Variants in SLAIN2 observed in about 807,000 individuals in gnomAD.
The protein encoded by SLAIN2 is SLAIN family member 2.
SLAIN2 carries 31 observed loss-of-function variants against 56.6 expected under a neutral mutation model. The ratio of observed to expected loss-of-function variants is 0.55; its 90% CI spans 0.41 to 0.74. SLAIN2 has a LOEUF of 0.74. SLAIN2 is among the 30% of genes least tolerant of loss of function. SLAIN2 has a pLI of 0.00. For missense variants in SLAIN2, 777 were observed against 754.2 expected (o/e 1.03, Z -0.35); for synonymous variants, 317 against 284.9 (o/e 1.11, Z -1.13).
At chr4:48,373,864 A>G (rs1296702839) in intron 2 of SLAIN2, among the ~76,000 whole-genome samples, 1 of 152,108 alleles carries the variant, frequency 6.6e-6, no homozygotes, top group Non-Finnish European at 1.5e-5. Context: ...AACATGGAGA[A>G]ACCCTGTCTC....
chr4:48,414,517 G>A (rs1716946837), intron 6 of SLAIN2, among the ~76,000 whole-genome samples: 1 of 147,274 alleles, frequency 6.8e-6, no homozygotes, highest in Admixed American at 6.8e-5. Context: ...ATATGTAAGT[G>A]GTTTTCTTTT....
At position 48,423,285 on chromosome 4, in the gene SLAIN2, AC is replaced by A. The variant is rs1391791308; in HGVS notation, c.*1211del. ...TTTTTGCATTTTTGGTAAAAAAAAA[AC>A]CCTACTACGTATGACTCTAACCTGA... On this transcript the variant is annotated 3_prime_UTR_variant, in exon 8 of 8. Coordinates refer to ENST00000264313, the MANE Select transcript of SLAIN2 (RefSeq NM_020846.2). 3.4e-5 allele frequency: 5 copies of A among 148,666 alleles called. No homozygotes were observed. The highest frequency in any genetic ancestry group is 1.2e-4 in the African/African-American group (5 of 40,426). 9.2% of individuals were successfully genotyped at this position (148,666 alleles called of 1,614,324 possible).
chr4:48,407,164 G>A (rs962776975), intron 6 of SLAIN2, among the ~76,000 whole-genome samples: 4 of 151,834 alleles, frequency 2.6e-5, no homozygotes, highest in African/African-American at 9.7e-5. Context: ...TCTAATATTT[G>A]TTGCCTTCTC....
intron 5 of SLAIN2, among the ~76,000 whole-genome samples, chr4:48,383,207 A>T (rs950795330): frequency 6.6e-6 from 1 of 151,914 alleles, no homozygotes; most frequent in South Asian, 2.1e-4. Flanking sequence ...GATTAAAAAA[A>T]GAGAAAAAGT....
chr4:48,408,904 G>C (rs79099978), intron 6 of SLAIN2, among the ~76,000 whole-genome samples: 3,160 of 152,094 alleles, frequency 0.021, 112 homozygotes, highest in African/African-American at 0.072. Flanking sequence ...ACCATATTTT[G>C]TCTTTTATAA....
chr4:48,410,270 GT>G (rs1434383586), intron 6 of SLAIN2, among the ~76,000 whole-genome samples: 3 of 142,994 alleles, frequency 2.1e-5, no homozygotes, highest in African/African-American at 7.9e-5. Context: ...CTTTGTCTCT[GT>G]TTTTTTAGTT....
intron 6 of SLAIN2, chr4:48,387,217 A>C (rs1716123838): frequency 1.3e-5 from 2 of 152,204 alleles, no homozygotes; most frequent in African/African-American, 4.8e-5. Flanking sequence ...AAAAAACAAA[A>C]GGTTGGGAAC....
Position 48,341,767 on chromosome 4 carries a change from G to A in SLAIN2, c.28G>A (p.Ala10Thr). 3 of 1,530,912 alleles carry A rather than the reference G, an allele frequency of 2.0e-6. No individual in the cohort carries two copies. The highest frequency in any genetic ancestry group is 1.2e-5 in the South Asian group (1 of 81,954). 94.8% of individuals were successfully genotyped at this position (1,530,912 alleles called of 1,614,324 possible). A position where few individuals can be genotyped will look rare whatever the true frequency, so the allele number is the denominator to read the frequency against. MEDVNSNVN[A>T]DQEVRKLQEL... ...GGAGGACGTTAACTCCAACGTGAAC[G>A]CGGACCAGGAGGTGCGGAAGCTGCA... Residue 10 changes from alanine (A) to threonine (T), a missense_variant, in exon 1 of 8, where the codon GCG becomes ACG. By Grantham distance (58) the Ala-to-Thr change is moderately conservative. Transcript: ENST00000264313.
chr4:48,418,306 T>C lies in SLAIN2; in HGVS notation c.1361-1819T>C, dbSNP rs113045618. Among the ~76,000 whole-genome samples the C allele has an allele frequency of 3.9e-5, 6 of 152,266 alleles. 1 individual carries two copies. The highest frequency in any genetic ancestry group is 1.4e-4 in the African/African-American group (6 of 41,574). On this transcript the variant is annotated intron_variant, in intron 6 of 7. Transcript: ENST00000264313. ...ATGTTAACTGTAGGGTTTTTGTAGA[T>C]GTTCTTTATGAGGTTGAGGAAATTT...
intron 7 of SLAIN2, 139 bp from the exon 8 acceptor site, chr4:48,421,872 G>A: frequency 1.5e-6 from 1 of 664,110 alleles, no homozygotes; most frequent in Non-Finnish European, 2.6e-6. Flanking sequence ...ACTAGTACCT[G>A]TTTAGAGCTT....
At chr4:48,352,645 A>G (rs1187428901) in intron 1 of SLAIN2, among the ~76,000 whole-genome samples, 1 of 152,218 alleles carries the variant, frequency 6.6e-6, no homozygotes, top group African/African-American at 2.4e-5. Context: ...CCTTTGGGGC[A>G]AAATTACCAC....
intron 1 of SLAIN2, among the ~76,000 whole-genome samples, chr4:48,356,375 T>TGTAGCTGAAAAGATCTGTACTA (rs1489712035): frequency 3.9e-5 from 6 of 152,158 alleles, no homozygotes; most frequent in Admixed American, 1.3e-4. Context: ...TATATGCAGT[T>TGTAGCTGAAAAGATCTGTACTA]GTAGCTGAAA....
At chr4:48,376,252 G>T (rs183776610) in intron 2 of SLAIN2, among the ~76,000 whole-genome samples, 3 of 152,044 alleles carry the variant, frequency 2.0e-5, no homozygotes, top group Non-Finnish European at 4.4e-5. Context: ...TCAGGATTTC[G>T]AAACCAGCCT....
At chr4:48,361,691 A>G (rs1270449462) in intron 1 of SLAIN2, among the ~76,000 whole-genome samples, 1 of 152,160 alleles carries the variant, frequency 6.6e-6, no homozygotes, top group Admixed American at 6.5e-5. Context: ...TTTTAGGATC[A>G]GCTTGTCAAT....
chr4:48,344,690 C>G (rs1714817007), intron 1 of SLAIN2, among the ~76,000 whole-genome samples: 1 of 151,708 alleles, frequency 6.6e-6, no homozygotes, highest in Non-Finnish European at 1.5e-5. Flanking sequence ...CTTTCATACT[C>G]TTCTTTTTTT....
Position 48,377,894 on chromosome 4 carries a change from A to G in SLAIN2, c.539-2A>G. The stretch of plus-strand genomic sequence containing the variant: ...TTGATTTTCCCCTTCTCATTAATGC[A>G]GCTCTCAAGAGGCAGAATTTATATA... On this transcript the variant is annotated splice_acceptor_variant, in intron 2 of 7. Transcript: ENST00000264313. LOFTEE classifies it high-confidence loss of function. 6.2e-7 allele frequency: 1 copy of G among 1,611,422 alleles called. No individual in the cohort carries two copies. The highest frequency in any genetic ancestry group is 8.5e-7 in the Non-Finnish European group (1 of 1,179,188).
Position 48,425,317 on chromosome 4 carries a change from G to A in SLAIN2, c.*3240G>A, listed in dbSNP as rs1226428048. On this transcript the variant is annotated 3_prime_UTR_variant, in exon 8 of 8. Transcript: ENST00000264313. ...ATTGATACCTAGTTATAAAAAGCTA[G>A]CATTTGCCTAGATCATAACTATGTA... is the stretch of plus-strand genomic sequence containing the variant. The A allele has an allele frequency of 6.6e-6, 1 of 152,004 alleles. No individual in the cohort carries two copies. The highest frequency in any genetic ancestry group is 1.5e-5 in the Non-Finnish European group (1 of 67,964). 9.4% of individuals were successfully genotyped at this position (152,004 alleles called of 1,614,324 possible). A position where few individuals can be genotyped will look rare whatever the true frequency, so the allele number is the denominator to read the frequency against.
intron 6 of SLAIN2, among the ~76,000 whole-genome samples, chr4:48,418,335 C>T (rs777461263): frequency 1.4e-4 from 21 of 151,952 alleles, no homozygotes; most frequent in Non-Finnish European, 2.5e-4. Context: ...GAAATTTTCC[C>T]TATTTCTGTT....
intron 1 of SLAIN2, among the ~76,000 whole-genome samples, chr4:48,367,264 C>T (rs1715544608): frequency 2.0e-5 from 3 of 152,164 alleles, no homozygotes; most frequent in South Asian, 4.1e-4. Context: ...GGGCCAACGC[C>T]CTTTGTTTCT....
Sources: gnomAD v4.1 joint callset for allele counts (sites outside exome capture counted in the v4.1 genomes callset) on GRCh38, gnomAD v4.1.1 for gene constraint, MANE v1.5 for transcripts, NCBI Gene and HGNC (gene_info 2026-07-23, HGNC 2026-07-21) for gene names.